Variants in NLRP5 observed in about 807,000 individuals in gnomAD.
NLRP5 encodes NACHT, LRR and PYD domains-containing protein 5.
Under a neutral mutation model 113.1 loss-of-function variants are expected in NLRP5, and 93 were observed. That is an observed-to-expected ratio of 0.82 (90% CI 0.70 to 0.98). The LOEUF (loss-of-function observed/expected upper bound fraction) is 0.98, where lower values mean the gene tolerates loss of function less well. Ranked by LOEUF, NLRP5 falls within the 50% of genes least tolerant of loss-of-function variation. The pLI, the probability that NLRP5 is intolerant of heterozygous loss-of-function variation, is 0.00. For missense variants in NLRP5, 1,808 were observed against 1,514.3 expected, an observed-to-expected ratio of 1.19 and a Z score of -3.22; for synonymous variants, 751 against 600.7, an observed-to-expected ratio of 1.25 and a Z score of -3.66.
Position 56,008,853 on chromosome 19 carries a change from G to C in NLRP5, c.508G>C (p.Gly170Arg). 6.2e-7 allele frequency: 1 copy of C among 1,611,760 alleles called. No individual in the cohort carries two copies. Among genetic ancestry groups the C allele is most frequent in the Non-Finnish European group, 8.5e-7 (1 of 1,178,878 alleles). Residue 170 changes from glycine (G) to arginine (R), a missense_variant and splice_region_variant, in exon 3 of 15, where the codon GGA (glycine) becomes CGA (arginine). Transcript: ENST00000390649. The stretch of plus-strand genomic sequence containing the variant: ...AGGACCAAGCAAGGAAAAAGTGCCA[G>C]GTTAGAGGGGTGGAGTTGGGGGAAA...
Position 56,027,507 on chromosome 19 carries a change from G to A in NLRP5, c.1274G>A (p.Arg425His), listed in dbSNP as rs199475774. Residue 425 changes from arginine to histidine, a missense_variant, in exon 7 of 15, where the codon CGT (arginine) becomes CAT (histidine). Arg to His is a conservative substitution (Grantham distance 29). Coordinates refer to ENST00000390649, the MANE Select transcript of NLRP5 (RefSeq NM_153447.4). ...CTCAAGTCAGAGGTCGTGTCTCCCC[G>A]TTACCTGTTAGTTAGAGGAATCTCC... 1.4e-5 allele frequency: 23 copies of A among 1,613,912 alleles called. No individual in the cohort carries two copies. The highest frequency in any genetic ancestry group is 1.6e-4 in the Middle Eastern group (1 of 6,062).
chr19:56,061,646 T>A lies in NLRP5; in HGVS notation c.*118T>A. ...TCAAAGATGGAGAATGATTTCTGAT[T>A]CTCACAAAGCCCTCAATGGTAGTGA... On this transcript the variant is annotated 3_prime_UTR_variant, in exon 15 of 15. Coordinates refer to ENST00000390649, the MANE Select transcript of NLRP5 (RefSeq NM_153447.4). 1 of 1,163,680 alleles carries A rather than the reference T, an allele frequency of 8.6e-7. No homozygotes were observed. Among genetic ancestry groups the A allele is most frequent in the Non-Finnish European group, 1.3e-6 (1 of 796,506 alleles). The allele number at this position is 1,163,680 out of a possible 1,614,324, so 72.1% of individuals were successfully genotyped here.
chr19:56,035,800 T>C (rs2123316641), intron 9 of NLRP5, among the ~76,000 whole-genome samples: 1 of 152,286 alleles, frequency 6.6e-6, no homozygotes, highest in South Asian at 2.1e-4. Flanking sequence ...GATGATCAGC[T>C]AAGTCTCTAA....
chr19:56,032,031 G>T (rs1457957654), intron 7 of NLRP5, among the ~76,000 whole-genome samples: 1 of 152,062 alleles, frequency 6.6e-6, no homozygotes, highest in Admixed American at 6.6e-5. Flanking sequence ...TTCAAGTGGG[G>T]CTGGAATTGA....
chr19:56,006,840 T>C (rs769016180), intron 2 of NLRP5, among the ~76,000 whole-genome samples: 81 of 151,830 alleles, frequency 5.3e-4, no homozygotes, highest in East Asian at 2.2e-3. Context: ...TCCGGGTTCA[T>C]GCCATTCTCC....
intron 6 of NLRP5, among the ~76,000 whole-genome samples, chr19:56,022,991 G>T (rs1309659358): frequency 6.6e-6 from 1 of 152,180 alleles, no homozygotes; most frequent in Non-Finnish European, 1.5e-5. Flanking sequence ...CTCCCAAAGT[G>T]CTGGGATTAC....
chr19:56,019,997 C>A (rs913470485), intron 5 of NLRP5, among the ~76,000 whole-genome samples: 1 of 151,692 alleles, frequency 6.6e-6, no homozygotes, highest in Admixed American at 6.6e-5. Context: ...CCACTGTGCC[C>A]GACTAATTTT....
chr19:56,006,751 TG>T (rs1248371808), intron 2 of NLRP5, among the ~76,000 whole-genome samples: 9 of 151,184 alleles, frequency 6.0e-5, no homozygotes, highest in African/African-American at 2.2e-4. Flanking sequence ...AATTTTTTTT[TG>T]TTTTTGAGAC....
rs950046306 is a variant in NLRP5 at position 56,033,809 on chromosome 19, A to G, written c.2615+100A>G. The G allele has an allele frequency of 3.7e-6, 4 of 1,088,508 alleles. No individual in the cohort carries two copies. In the African/African-American group the frequency reaches 6.3e-5, roughly 17 times the overall value. 67.4% of individuals were successfully genotyped at this position (1,088,508 alleles called of 1,614,324 possible). A position where few individuals can be genotyped will look rare whatever the true frequency, so the allele number is the denominator to read the frequency against. ...AAAAATTAAAGAGCTGCAAAGATGG[A>G]AAAGTTTTGGTGATGGATGGTGGTG... On this transcript the variant is annotated intron_variant, in intron 9 of 14. Transcript: ENST00000390649.
chr19:56,029,858 C>T (rs1009140420), intron 7 of NLRP5, among the ~76,000 whole-genome samples: 25 of 151,192 alleles, frequency 1.7e-4, no homozygotes, highest in Non-Finnish European at 4.4e-5. Flanking sequence ...AGTTCGAGAC[C>T]AGCCTGGCCA....
At chr19:56,026,172 G>A (rs1982836580) in intron 6 of NLRP5, among the ~76,000 whole-genome samples, 1 of 152,074 alleles carries the variant, frequency 6.6e-6, no homozygotes, top group Non-Finnish European at 1.5e-5. Context: ...ATGTCTGGAG[G>A]CTGACTCAGG....
Position 56,037,479 on chromosome 19 carries a change from G to A in NLRP5, c.2616-546G>A, listed in dbSNP as rs1983360312. Among the ~76,000 whole-genome samples the A allele has an allele frequency of 2.0e-5, 3 of 152,102 alleles. No homozygotes were observed. In the South Asian group the frequency reaches 6.2e-4, roughly 32 times the overall value. On this transcript the variant is annotated intron_variant, in intron 9 of 14. Coordinates refer to ENST00000390649, the MANE Select transcript of NLRP5 (RefSeq NM_153447.4). ...GGAGGCCAAGGCGGGTGGAGCACAA[G>A]GTCAGGAGTTTGAGACCAGCCTGGC...
chr19:56,029,155 A>G (rs1982996328), intron 7 of NLRP5, among the ~76,000 whole-genome samples: 1 of 152,150 alleles, frequency 6.6e-6, no homozygotes, highest in Non-Finnish European at 1.5e-5. Flanking sequence ...GAAATATTCC[A>G]TGTGCCTTGT....
chr19:56,013,067 G>C (rs1982261304), intron 3 of NLRP5, among the ~76,000 whole-genome samples: 1 of 152,002 alleles, frequency 6.6e-6, no homozygotes, highest in Non-Finnish European at 1.5e-5. Context: ...CCCATACCCA[G>C]CCCCTGGAAA....
chr19:56,005,266 C>A, intron 2 of NLRP5, among the ~76,000 whole-genome samples: 1 of 145,644 alleles, frequency 6.9e-6, no homozygotes, highest in Non-Finnish European at 1.5e-5. Flanking sequence ...TATATATACA[C>A]ATACACATAT....
intron 10 of NLRP5, among the ~76,000 whole-genome samples, chr19:56,038,434 G>A (rs1983399949): frequency 6.6e-6 from 1 of 152,154 alleles, no homozygotes; most frequent in African/African-American, 2.4e-5. Context: ...TCAGCCAGGT[G>A]GAAATTGCAT....
intron 12 of NLRP5, 56 bp from the exon 13 acceptor site, chr19:56,053,567 TGCTGAACCTTCTCCC>T: frequency 7.2e-7 from 1 of 1,396,288 alleles, no homozygotes; most frequent in Non-Finnish European, 9.8e-7. Flanking sequence ...CAGTTAATGC[TGCTGAACCTTCTCCC>T]GCTGTTCCAC....
At chr19:56,043,114 G>A (rs570817328) in intron 11 of NLRP5, among the ~76,000 whole-genome samples, 7 of 152,258 alleles carry the variant, frequency 4.6e-5, no homozygotes, top group African/African-American at 1.7e-4. Context: ...TTCTCTGGGT[G>A]GATGCCCAGT....
intron 7 of NLRP5, among the ~76,000 whole-genome samples, chr19:56,030,384 C>A (rs1046316762): frequency 6.6e-6 from 1 of 151,970 alleles, no homozygotes; most frequent in Non-Finnish European, 1.5e-5. Context: ...AAAAAAAATT[C>A]TCACATGGAA....
Sources: allele counts gnomAD v4.1 joint callset (sites outside exome capture counted in the v4.1 genomes callset), GRCh38; gene constraint gnomAD v4.1.1; transcripts MANE v1.5; gene names NCBI Gene and HGNC (gene_info 2026-07-23, HGNC 2026-07-21).